Variants in FBXO36 observed in about 807,000 individuals in gnomAD.
The protein encoded by FBXO36 is F-box only protein 36.
Under a neutral mutation model 17.0 loss-of-function variants are expected in FBXO36, and 18 were observed. That is an observed-to-expected ratio of 1.06 (90% CI 0.73 to 1.57). The LOEUF is 1.57. Ranked by LOEUF, FBXO36 falls within the 40% of genes most tolerant of loss-of-function variation. The pLI is 0.00. For synonymous variants in FBXO36, 83 were observed against 85.3 expected, an observed-to-expected ratio of 0.97 and a Z score of 0.15; for missense variants, 229 against 221.9, an observed-to-expected ratio of 1.03 and a Z score of -0.20.
At chr2:229,928,531 G>C (rs2076923973) in intron 1 of FBXO36, among the ~76,000 whole-genome samples, 1 of 152,112 alleles carries the variant, frequency 6.6e-6, no homozygotes, top group African/African-American at 2.4e-5. Context: ...CTTTGAGGTG[G>C]TGTCCTGCCT....
intron 1 of FBXO36, among the ~76,000 whole-genome samples, chr2:229,938,555 G>A (rs2076978997): frequency 6.7e-6 from 1 of 149,886 alleles, no homozygotes; most frequent in South Asian, 2.1e-4. Context: ...CGCCATCTCG[G>A]CTCACCGCAA....
Position 230,011,649 on chromosome 2 carries a change from A to C in FBXO36, c.*765A>C, listed in dbSNP as rs1449910674. Reference sequence around the variant, plus strand: ...TTTTTAGTAGAGGTGGAGTTTCGCCATGTAGGCCAGGCTGGTCTTGAACTC... The same window carrying C: ...TTTTTAGTAGAGGTGGAGTTTCGCCCTGTAGGCCAGGCTGGTCTTGAACTC... On this transcript the variant is annotated 3_prime_UTR_variant, in exon 4 of 4. Transcript: ENST00000283946. The C allele has an allele frequency of 7.9e-6, 1 of 126,722 alleles. No homozygotes were observed. The highest frequency in any genetic ancestry group is 1.6e-5 in the Non-Finnish European group (1 of 64,336). 7.8% of individuals were successfully genotyped at this position (126,722 alleles called of 1,614,324 possible).
At chr2:229,950,141 GC>G (rs2077049695) in intron 1 of FBXO36, among the ~76,000 whole-genome samples, 3 of 151,906 alleles carry the variant, frequency 2.0e-5, no homozygotes, top group Non-Finnish European at 2.9e-5. Context: ...TAAAATCACA[GC>G]CCAGGCTGGG....
intron 1 of FBXO36, among the ~76,000 whole-genome samples, chr2:229,963,333 G>C (rs1053440732): frequency 9.2e-5 from 14 of 151,876 alleles, no homozygotes; most frequent in Admixed American, 9.2e-4. Flanking sequence ...CAAAGTGCTG[G>C]GATTACAGAT....
intron 1 of FBXO36, chr2:229,973,187 T>C (rs1032839857): frequency 6.6e-6 from 1 of 151,284 alleles, no homozygotes; most frequent in African/African-American, 2.4e-5. Flanking sequence ...GCCAAACCAG[T>C]TGACACTCCT....
chr2:229,991,704 T>C (rs1560452633), intron 2 of FBXO36, among the ~76,000 whole-genome samples: 2 of 152,208 alleles, frequency 1.3e-5, no homozygotes, highest in African/African-American at 2.4e-5. Context: ...TAATTCTTAT[T>C]GGGGTCTACT....
At chr2:229,926,460 AC>A (rs1206679115) in intron 1 of FBXO36, among the ~76,000 whole-genome samples, 1 of 151,896 alleles carries the variant, frequency 6.6e-6, no homozygotes, top group Non-Finnish European at 1.5e-5. Flanking sequence ...AATAAGATTT[AC>A]TTGGCCAGGT....
intron 2 of FBXO36, among the ~76,000 whole-genome samples, chr2:229,985,653 C>A (rs1306781612): frequency 6.6e-6 from 1 of 152,120 alleles, no homozygotes; most frequent in Admixed American, 6.6e-5. Context: ...GCAGAGAAGG[C>A]AAATCCAAAT....
chr2:229,989,559 G>A (rs1044395593), intron 2 of FBXO36, among the ~76,000 whole-genome samples: 2 of 148,498 alleles, frequency 1.3e-5, no homozygotes, highest in African/African-American at 2.5e-5. Flanking sequence ...GCCCGGCCAT[G>A]ATATATTTTG....
intron 1 of FBXO36, among the ~76,000 whole-genome samples, chr2:229,971,494 A>T (rs1177225094): frequency 6.6e-6 from 1 of 152,088 alleles, no homozygotes; most frequent in Non-Finnish European, 1.5e-5. Flanking sequence ...GGGGGAAAAA[A>T]AAATCTACCC....
At chr2:229,942,287 A>T (rs539605987) in intron 1 of FBXO36, among the ~76,000 whole-genome samples, 6 of 152,218 alleles carry the variant, frequency 3.9e-5, no homozygotes, top group Non-Finnish European at 5.9e-5. Flanking sequence ...CACATGGCAT[A>T]GCAGTGCATT....
chr2:229,965,595 G>C (rs1417124373), intron 1 of FBXO36, among the ~76,000 whole-genome samples: 1 of 140,522 alleles, frequency 7.1e-6, no homozygotes, highest in South Asian at 2.2e-4. Context: ...ACATTGTTCA[G>C]TTCCCACCTA....
intron 2 of FBXO36, among the ~76,000 whole-genome samples, chr2:229,986,291 A>G (rs890578494): frequency 6.6e-6 from 1 of 152,044 alleles, no homozygotes; most frequent in Non-Finnish European, 1.5e-5. Context: ...CTTGAGCCCA[A>G]GCAGTTCACG....
chr2:229,969,429 C>G (rs1439877878), intron 1 of FBXO36, among the ~76,000 whole-genome samples: 1 of 151,860 alleles, frequency 6.6e-6, no homozygotes, highest in Non-Finnish European at 1.5e-5. Context: ...TGGCTCACGC[C>G]TGTAATCCCA....
At position 229,942,119 on chromosome 2, in the gene FBXO36, A is replaced by G. The variant is rs535736729; in HGVS notation, c.96+19510A>G. Among the ~76,000 whole-genome samples, 9 of 152,272 alleles carry G rather than the reference A, an allele frequency of 5.9e-5. No homozygotes were observed. In the South Asian group the frequency reaches 1.9e-3, roughly 32 times the overall value. On this transcript the variant is annotated intron_variant, in intron 1 of 3. Transcript: ENST00000283946. Reference sequence around the variant, plus strand: ...GTGACCTTGAAGCTAAGTATTAACTAAGGACTTTTAGGAGGTTTCTTTAAA... The same window carrying G: ...GTGACCTTGAAGCTAAGTATTAACTGAGGACTTTTAGGAGGTTTCTTTAAA...
chr2:229,990,663 A>T (rs2077293448), intron 2 of FBXO36, among the ~76,000 whole-genome samples: 1 of 152,192 alleles, frequency 6.6e-6, no homozygotes, highest in African/African-American at 2.4e-5. Flanking sequence ...AATTTTTACC[A>T]CATATGTTCC....
chr2:229,981,976 AAG>A (rs1348620113), intron 2 of FBXO36, among the ~76,000 whole-genome samples: 1 of 151,904 alleles, frequency 6.6e-6, no homozygotes, highest in Non-Finnish European at 1.5e-5. Flanking sequence ...GAGCAGGAAC[AAG>A]AGAGTGACAG....
chr2:230,009,064 A>T lies in FBXO36; in HGVS notation c.379-1632A>T, dbSNP rs147870853. Among the ~76,000 whole-genome samples the T allele has an allele frequency of 4.3e-3, 657 of 152,306 alleles. 5 individuals are homozygous for T. Among genetic ancestry groups the T allele is most frequent in the African/African-American group, 0.015 (619 of 41,568 alleles). On this transcript the variant is annotated intron_variant, in intron 3 of 3. Coordinates refer to ENST00000283946, the MANE Select transcript of FBXO36 (RefSeq NM_174899.5). ...TCCCTTATTGGAGTACTTTTAGAAGATCATGAAGTATGGAAGGAAGGAGTG... is the reference window on the plus strand; with the variant it reads ...TCCCTTATTGGAGTACTTTTAGAAGTTCATGAAGTATGGAAGGAAGGAGTG...
intron 2 of FBXO36, among the ~76,000 whole-genome samples, chr2:229,978,792 A>G (rs1455096628): frequency 6.6e-6 from 1 of 152,162 alleles, no homozygotes; most frequent in Non-Finnish European, 1.5e-5. Context: ...TGCCAGGACT[A>G]AGCATTGAAA....
Sources: allele counts gnomAD v4.1 joint callset (sites outside exome capture counted in the v4.1 genomes callset), GRCh38; gene constraint gnomAD v4.1.1; transcripts MANE v1.5; gene names NCBI Gene and HGNC (gene_info 2026-07-23, HGNC 2026-07-21).